The following ACTR3C variants were observed in gnomAD, a reference collection of about 807,000 sequenced individuals.
ACTR3C encodes the protein actin related protein 3C.
ACTR3C carries 18 observed loss-of-function variants against 26.3 expected under a neutral mutation model. That is an observed-to-expected ratio of 0.68 (90% CI 0.47 to 1.01). The LOEUF (loss-of-function observed/expected upper bound fraction) is 1.01. Ranked by LOEUF, ACTR3C falls within the 50% of genes least tolerant of loss-of-function variation. The pLI is 0.00. For missense variants in ACTR3C, 184 were observed against 250.7 expected (o/e 0.73, Z 1.80); for synonymous variants, 55 against 94.5 (o/e 0.58, Z 2.42).
chr7:150,020,948 G>C, the ACTR3C span, among the ~76,000 whole-genome samples: 1 of 151,904 alleles, frequency 6.6e-6, no homozygotes, highest in Non-Finnish European at 1.5e-5. Context: ...AGCCTCCCGA[G>C]TAGCTGAGAT....
intron 7 of ACTR3C, chr7:150,247,912 G>C (rs1832556506): frequency 6.6e-6 from 1 of 152,254 alleles, no homozygotes; most frequent in African/African-American, 2.4e-5. Context: ...AAAGCTCCCT[G>C]AGCCCTCCCC....
chr7:149,954,052 A>G, the ACTR3C span, among the ~76,000 whole-genome samples: 6 of 142,370 alleles, frequency 4.2e-5, no homozygotes, highest in African/African-American at 1.3e-4. Flanking sequence ...TTTTCCCCAT[A>G]CGCTGAAGTT....
chr7:149,884,153 C>T, the ACTR3C span, among the ~76,000 whole-genome samples: 3 of 152,294 alleles, frequency 2.0e-5, no homozygotes, highest in South Asian at 2.1e-4. Flanking sequence ...AAGTGAGAGG[C>T]GTGGCTAATC....
the ACTR3C span, among the ~76,000 whole-genome samples, chr7:150,152,513 T>G: frequency 2.0e-5 from 3 of 152,210 alleles, no homozygotes; most frequent in Admixed American, 2.0e-4. Flanking sequence ...GTGGATAAGC[T>G]TTTTGATGTG....
chr7:150,034,641 G>C, the ACTR3C span, among the ~76,000 whole-genome samples: 3 of 151,294 alleles, frequency 2.0e-5, no homozygotes, highest in Non-Finnish European at 3.0e-5. Context: ...GCTGCCTTCG[G>C]ACCCGTCGGA....
the ACTR3C span, among the ~76,000 whole-genome samples, chr7:150,137,672 A>G: frequency 9.8e-5 from 15 of 152,374 alleles, 1 homozygote; most frequent in South Asian, 1.9e-3. Context: ...TTTAGAGAAT[A>G]CAAATGAAGG....
intron 1 of ACTR3C, among the ~76,000 whole-genome samples, chr7:150,296,477 G>C (rs1305749316): frequency 6.6e-6 from 1 of 152,050 alleles, no homozygotes; most frequent in African/African-American, 2.4e-5. Flanking sequence ...TCAAACAGGA[G>C]GAAATGACAG....
At chr7:150,058,470 G>A in the ACTR3C span, among the ~76,000 whole-genome samples, 3 of 152,126 alleles carry the variant, frequency 2.0e-5, no homozygotes, top group Admixed American at 2.0e-4. Flanking sequence ...TTTCTGGGAG[G>A]CTGTGGCAAA....
the ACTR3C span, among the ~76,000 whole-genome samples, chr7:150,164,572 G>A: frequency 6.6e-6 from 1 of 151,944 alleles, no homozygotes; most frequent in South Asian, 2.1e-4. Context: ...GAATAGGCAA[G>A]GGAATTGGAG....
At chr7:150,100,823 C>A in the ACTR3C span, among the ~76,000 whole-genome samples, 1 of 151,248 alleles carries the variant, frequency 6.6e-6, no homozygotes, top group Non-Finnish European at 1.5e-5. Context: ...TACCACCTCA[C>A]CCTCCCAATT....
the ACTR3C span, among the ~76,000 whole-genome samples, chr7:150,035,030 G>A: frequency 2.1e-5 from 3 of 141,510 alleles, no homozygotes; most frequent in East Asian, 2.3e-4. Context: ...GGGGGAAGAG[G>A]GACTGGCTCT....
At chr7:150,106,597 C>T in the ACTR3C span, among the ~76,000 whole-genome samples, 1 of 140,618 alleles carries the variant, frequency 7.1e-6, no homozygotes, top group South Asian at 2.3e-4. Context: ...TCACTTAATT[C>T]ACTTATAAAA....
At chr7:150,101,195 T>C in the ACTR3C span, among the ~76,000 whole-genome samples, 1 of 151,564 alleles carries the variant, frequency 6.6e-6, no homozygotes, top group Admixed American at 6.6e-5. Flanking sequence ...GCCAAATGCA[T>C]TCAGAAAAGG....
the ACTR3C span, among the ~76,000 whole-genome samples, chr7:149,899,803 A>G: frequency 1.3e-5 from 2 of 150,908 alleles, no homozygotes; most frequent in Non-Finnish European, 3.0e-5. Flanking sequence ...AATAGATTCA[A>G]TACTGAACAA....
chr7:150,059,558 C>G, the ACTR3C span, among the ~76,000 whole-genome samples: 1 of 152,114 alleles, frequency 6.6e-6, no homozygotes, highest in Admixed American at 6.5e-5. Context: ...GGTAAAGCCA[C>G]AGAGGAGGAG....
rs146835339 is a variant in ACTR3C, at chr7:150,314,577, G to A, written c.-52+8892C>T. On this transcript the variant is annotated intron_variant, in intron 1 of 7. Coordinates refer to ENST00000683684, the MANE Select transcript of ACTR3C (RefSeq NM_001164458.2). Reference sequence around the variant, plus strand: ...TGGCAAACATATAGTTACTCTTTGAGGTGTTTTTTGTGGGTATCTGAAGCA... The same window carrying A: ...TGGCAAACATATAGTTACTCTTTGAAGTGTTTTTTGTGGGTATCTGAAGCA... Among the ~76,000 whole-genome samples the A allele has an allele frequency of 5.8e-3, 887 of 152,170 alleles. 10 individuals are homozygous for A. The highest frequency in any genetic ancestry group is 0.02 in the African/African-American group (847 of 41,484).
the ACTR3C span, among the ~76,000 whole-genome samples, chr7:150,217,998 G>C: frequency 6.6e-6 from 1 of 151,820 alleles, no homozygotes; most frequent in African/African-American, 2.4e-5. Context: ...CCAAACAAAA[G>C]TGAGTCCAGC....
the ACTR3C span, among the ~76,000 whole-genome samples, chr7:150,209,707 C>T: frequency 7.2e-5 from 10 of 139,450 alleles, no homozygotes; most frequent in African/African-American, 2.8e-4. Context: ...GGTGAAACCC[C>T]ACCTCTACTA....
chr7:150,083,466 C>T, the ACTR3C span, among the ~76,000 whole-genome samples: 1 of 152,070 alleles, frequency 6.6e-6, no homozygotes, highest in African/African-American at 2.4e-5. Context: ...ACTCGGTAGG[C>T]TGAGGCAGGA....
Sources: allele counts gnomAD v4.1 joint callset (sites outside exome capture counted in the v4.1 genomes callset), GRCh38; gene constraint gnomAD v4.1.1; transcripts MANE v1.5; gene names NCBI Gene and HGNC (gene_info 2026-07-23, HGNC 2026-07-21).